The following TCEA3 variants were observed in gnomAD, a reference collection of about 807,000 sequenced individuals.
TCEA3 encodes the protein transcription elongation factor A3.
TCEA3 carries 36 observed loss-of-function variants against 44.0 expected under a neutral mutation model. The observed-to-expected ratio is 0.82, with a 90% CI of 0.63 to 1.08. The LOEUF is 1.08. TCEA3 is among the 50% of genes least tolerant of loss of function. TCEA3 has a pLI of 0.00. For missense variants in TCEA3, 392 were observed against 441.2 expected (o/e 0.89, Z 1.00); for synonymous variants, 162 against 159.7 (o/e 1.01, Z -0.11).
Position 23,393,898 on chromosome 1 carries a change from A to G in TCEA3, c.800T>C (p.Ile267Thr). Residue 267 changes from isoleucine to threonine, a missense_variant, in exon 8 of 11, where the codon ATA becomes ACA. By Grantham distance (89) the Ile-to-Thr change is moderately conservative. Coordinates refer to ENST00000450454, the MANE Select transcript of TCEA3 (RefSeq NM_003196.3). ...VLSGAISAGL[I>T]AKMTAEEMAS... ...TCTCACCTCTGCCGTCATCTTGGCTATAAGCCCTGCGGAGATGGCCCCACT... is the reference window on the plus strand; with the variant it reads ...TCTCACCTCTGCCGTCATCTTGGCTGTAAGCCCTGCGGAGATGGCCCCACT... The G allele has an allele frequency of 6.2e-7, 1 of 1,613,728 alleles. No homozygotes were observed. Among genetic ancestry groups the G allele is most frequent in the South Asian group, 1.1e-5 (1 of 91,082 alleles).
At chr1:23,405,071 G>T (rs999104842) in intron 5 of TCEA3, among the ~76,000 whole-genome samples, 2 of 152,142 alleles carry the variant, frequency 1.3e-5, no homozygotes. Context: ...ACAATCAGCT[G>T]CAGTGGGGTA....
chr1:23,420,941 C>T lies in TCEA3; in HGVS notation c.70-1802G>A, dbSNP rs530483376. 9.2e-5 allele frequency among the ~76,000 whole-genome samples: 14 copies of T among 152,222 alleles called. No individual in the cohort carries two copies. The East Asian group carries it at 2.7e-3, about 29-fold the overall frequency. The stretch of plus-strand genomic sequence containing the variant: ...CCTGGGGAGCACCAGGGGACGGTGT[C>T]CTGTATGTTCCTATCCTTGGCCCAC... On this transcript the variant is annotated intron_variant, in intron 1 of 10. Transcript: ENST00000450454.
chr1:23,387,822 C>T lies in TCEA3; in HGVS notation c.820-403G>A, dbSNP rs930810880. 1.1e-3 allele frequency among the ~76,000 whole-genome samples: 175 copies of T among 152,274 alleles called. 3 individuals are homozygous for T. Among genetic ancestry groups the T allele is most frequent in the Non-Finnish European group, 5.3e-4 (36 of 68,024 alleles). ...CTTAGCCTTCCTCTCTAGACTTGAC[C>T]CAGTGCTCTTTTACGCTGTGATCAC... On this transcript the variant is annotated intron_variant, in intron 8 of 10. Coordinates refer to ENST00000450454, the MANE Select transcript of TCEA3 (RefSeq NM_003196.3).
chr1:23,418,100 A>C, intron 2 of TCEA3, 91 bp from the exon 3 acceptor site: 1 of 1,282,374 alleles, frequency 7.8e-7, no homozygotes, highest in Admixed American at 2.0e-5. Context: ...CTCTACCACC[A>C]CCTCCCCTTC....
At chr1:23,402,944 AG>A (rs528404317) in intron 5 of TCEA3, among the ~76,000 whole-genome samples, 79 of 152,260 alleles carry the variant, frequency 5.2e-4, no homozygotes, top group Middle Eastern at 3.4e-3. Context: ...ATGTGGAAAG[AG>A]GAAGGTCCTC....
chr1:23,417,764 A>T, intron 3 of TCEA3, 140 bp downstream of exon 3: 1 of 766,178 alleles, frequency 1.3e-6, no homozygotes, highest in Non-Finnish European at 2.1e-6. Context: ...CCCACTAGCT[A>T]CCTCCCGGAT....
At chr1:23,408,627 A>G in intron 5 of TCEA3, 37 bp downstream of exon 5, 6 of 1,594,620 alleles carry the variant, frequency 3.8e-6, no homozygotes, top group Non-Finnish European at 5.1e-6. Flanking sequence ...CAGGCTGAAT[A>G]GGACACTGGG....
chr1:23,399,716 G>A (rs1337904629), intron 5 of TCEA3, among the ~76,000 whole-genome samples: 2 of 145,794 alleles, frequency 1.4e-5, no homozygotes, highest in African/African-American at 5.1e-5. Context: ...CATCCAGGCT[G>A]CCAGGCTGGA....
chr1:23,392,517 A>ACACAC (rs1558030889), intron 8 of TCEA3, among the ~76,000 whole-genome samples: 20 of 55,774 alleles, frequency 3.6e-4, no homozygotes, highest in African/African-American at 1.5e-3. Context: ...CATACATCAT[A>ACACAC]CACACATATT....
chr1:23,385,783 C>T (rs544942524), intron 9 of TCEA3, among the ~76,000 whole-genome samples: 1 of 152,344 alleles, frequency 6.6e-6, no homozygotes, highest in African/African-American at 2.4e-5. Flanking sequence ...CATGCCAGGG[C>T]AATGGTCTTC....
intron 5 of TCEA3, among the ~76,000 whole-genome samples, chr1:23,399,389 T>A (rs1173512412): frequency 2.0e-5 from 3 of 151,904 alleles, no homozygotes; most frequent in Admixed American, 2.0e-4. Flanking sequence ...TCACATGGTG[T>A]CTCTTCTCAT....
At chr1:23,403,868 G>A (rs906166148) in intron 5 of TCEA3, 18 of 506,766 alleles carry the variant, frequency 3.6e-5, no homozygotes, top group African/African-American at 3.1e-4. Context: ...CCGGTTAGGA[G>A]CTGGCTGGCT....
At chr1:23,404,356 C>G (rs1004851790) in intron 5 of TCEA3, among the ~76,000 whole-genome samples, 1 of 151,830 alleles carries the variant, frequency 6.6e-6, no homozygotes, top group African/African-American at 2.4e-5. Context: ...TCTCCTGACT[C>G]GCCTCCCAAA....
chr1:23,387,145 AC>A (rs2148544785), intron 9 of TCEA3, 127 bp downstream of exon 9: 6 of 1,262,230 alleles, frequency 4.8e-6, no homozygotes, highest in Admixed American at 2.7e-5. Context: ...GAGCCACCGC[AC>A]CCGGCAAAGC....
At chr1:23,389,649 C>CA (rs1171449393) in intron 8 of TCEA3, among the ~76,000 whole-genome samples, 2 of 152,054 alleles carry the variant, frequency 1.3e-5, no homozygotes, top group Admixed American at 6.6e-5. Context: ...GACTCCGTCT[C>CA]AAAAAACAAA....
Position 23,393,927 on chromosome 1 carries a change from C to T in TCEA3, c.771G>A (p.Val257=), listed in dbSNP as rs1429166561. The change falls in exon 8 of 11, where the codon GTG becomes GTA. Residue 257 remains valine (V), a synonymous_variant. Transcript: ENST00000450454. ...GCCCTGCGGAGATGGCCCCACTGAG[C>T]ACGTTCCGCCGCAGGCCGGGGTTCC... ...DPRNPGLRRN[V]LSGAISAGLI... 6.2e-7 allele frequency: 1 copy of T among 1,613,944 alleles called. No homozygotes were observed. Among genetic ancestry groups the T allele is most frequent in the Admixed American group, 1.7e-5 (1 of 60,034 alleles).
chr1:23,417,188 A>G (rs753468359), intron 4 of TCEA3, 61 bp downstream of exon 4: 7 of 1,569,106 alleles, frequency 4.5e-6, no homozygotes, highest in Non-Finnish European at 6.1e-6. Context: ...ATATACACTG[A>G]GTTGCTGTCA....
intron 5 of TCEA3, chr1:23,403,595 C>A (rs1639459388): frequency 6.4e-6 from 1 of 155,774 alleles, no homozygotes; most frequent in Non-Finnish European, 1.4e-5. Flanking sequence ...TAATTGTCTC[C>A]ATTTTACAGA....
At chr1:23,387,493 G>T in intron 8 of TCEA3, 74 bp from the exon 9 acceptor site, 1 of 1,474,550 alleles carries the variant, frequency 6.8e-7, no homozygotes, top group Non-Finnish European at 9.1e-7. Context: ...TTTCTAGAAA[G>T]CCTGAACAGA....
Sources: gnomAD v4.1 joint callset for allele counts (sites outside exome capture counted in the v4.1 genomes callset) on GRCh38, gnomAD v4.1.1 for gene constraint, MANE v1.5 for transcripts, NCBI Gene and HGNC (gene_info 2026-07-23, HGNC 2026-07-21) for gene names.